The following CDK19 variants were observed in gnomAD, a reference collection of about 807,000 sequenced individuals.
The protein encoded by CDK19 is cyclin dependent kinase 19.
CDK19 carries 20 observed loss-of-function variants against 68.3 expected under a neutral mutation model. The observed-to-expected ratio is 0.29, with a 90% CI of 0.21 to 0.43. The LOEUF (loss-of-function observed/expected upper bound fraction) is 0.43, where lower values mean the gene tolerates loss of function less well. Among genes scored for constraint, CDK19 ranks in the 20% least tolerant of loss-of-function variants. The pLI, the probability that CDK19 is intolerant of heterozygous loss-of-function variation, is 1.00. For missense variants in CDK19, 339 were observed against 623.5 expected, an observed-to-expected ratio of 0.54 and a Z score of 4.86; for synonymous variants, 221 against 222.8, an observed-to-expected ratio of 0.99 and a Z score of 0.07.
In CDK19 at chr6:110,660,164, A is replaced by G. The variant is rs952440976; in HGVS notation, c.456+7270T>C. ...TCATTTAAAACCTTCCTCAACTCTG[A>G]TAGTGAAACAGGATATTTCCCTGAC... On this transcript the variant is annotated intron_variant, in intron 4 of 12. Transcript: ENST00000368911. 3.9e-5 allele frequency among the ~76,000 whole-genome samples: 6 copies of G among 152,300 alleles called. No homozygotes were observed. The East Asian group carries it at 1.2e-3, about 29-fold the overall frequency.
intron 4 of CDK19, among the ~76,000 whole-genome samples, chr6:110,655,143 G>T (rs1359823177): frequency 6.6e-6 from 1 of 151,792 alleles, no homozygotes; most frequent in Non-Finnish European, 1.5e-5. Context: ...TGAGGTGGGT[G>T]GATCACGAGG....
intron 2 of CDK19, among the ~76,000 whole-genome samples, chr6:110,718,756 A>G (rs1302589966): frequency 3.9e-5 from 6 of 152,190 alleles, no homozygotes; most frequent in African/African-American, 1.4e-4. Flanking sequence ...ATTCACAGAT[A>G]GTTGCTGAAA....
chr6:110,796,165 G>A (rs1431037178), intron 1 of CDK19, among the ~76,000 whole-genome samples: 3 of 151,972 alleles, frequency 2.0e-5, no homozygotes, highest in Admixed American at 1.3e-4. Context: ...GGAGAAACCC[G>A]GTCTCTACTA....
rs145662098 is a variant in CDK19 at position 110,730,430 on chromosome 6, C to T, written c.204+15696G>A. 5.2e-3 allele frequency among the ~76,000 whole-genome samples: 790 copies of T among 152,260 alleles called. 6 individuals are homozygous for T. Among genetic ancestry groups the T allele is most frequent in the African/African-American group, 0.018 (768 of 41,568 alleles). On this transcript the variant is annotated intron_variant, in intron 2 of 12. Transcript: ENST00000368911. ...AAGAAGTTTAAACAACAAAGTTATA[C>T]TTGTGGAACAGGTTCTAACTCAGCT... is the stretch of plus-strand genomic sequence containing the variant.
At chr6:110,716,770 GTATATCAA>G (rs1369587209) in intron 2 of CDK19, among the ~76,000 whole-genome samples, 2 of 152,130 alleles carry the variant, frequency 1.3e-5, no homozygotes, top group Non-Finnish European at 2.9e-5. Flanking sequence ...ATTCTTCTCT[GTATATCAA>G]TATATCAATA....
At chr6:110,721,725 G>A (rs1000123301) in intron 2 of CDK19, among the ~76,000 whole-genome samples, 3 of 152,164 alleles carry the variant, frequency 2.0e-5, no homozygotes, top group African/African-American at 7.2e-5. Context: ...CAGCACTTTT[G>A]GAGGCCGAGG....
intron 1 of CDK19, among the ~76,000 whole-genome samples, chr6:110,759,990 T>C (rs1779119930): frequency 6.6e-6 from 1 of 152,138 alleles, no homozygotes; most frequent in African/African-American, 2.4e-5. Context: ...CATTTACCAT[T>C]AAATCAACAT....
intron 12 of CDK19, among the ~76,000 whole-genome samples, chr6:110,615,139 G>A (rs1194687235): frequency 6.6e-6 from 1 of 152,160 alleles, no homozygotes; most frequent in African/African-American, 2.4e-5. Context: ...GTTTTCAGAG[G>A]TAGAAGCTAG....
intron 12 of CDK19, among the ~76,000 whole-genome samples, chr6:110,616,054 T>C (rs2114567217): frequency 6.6e-6 from 1 of 152,140 alleles, no homozygotes; most frequent in Non-Finnish European, 1.5e-5. Flanking sequence ...CACCAAAGTA[T>C]CTTTGAAAAA....
intron 4 of CDK19, among the ~76,000 whole-genome samples, chr6:110,643,661 A>C (rs1439300511): frequency 6.6e-6 from 1 of 152,252 alleles, no homozygotes; most frequent in Non-Finnish European, 1.5e-5. Flanking sequence ...CAGTCACATA[A>C]AAACACAGAC....
At chr6:110,703,186 G>C (rs958727434) in intron 2 of CDK19, among the ~76,000 whole-genome samples, 2 of 152,068 alleles carry the variant, frequency 1.3e-5, no homozygotes, top group Non-Finnish European at 2.9e-5. Flanking sequence ...ACCTGAACTG[G>C]ACTAAAATAG....
chr6:110,711,399 G>T (rs776987551), intron 2 of CDK19, among the ~76,000 whole-genome samples: 1 of 152,060 alleles, frequency 6.6e-6, no homozygotes, highest in Non-Finnish European at 1.5e-5. Flanking sequence ...TTTCAAAAGG[G>T]TATTTGAATT....
intron 1 of CDK19, among the ~76,000 whole-genome samples, chr6:110,774,867 T>G (rs1247421924): frequency 2.0e-5 from 3 of 152,128 alleles, no homozygotes; most frequent in African/African-American, 7.2e-5. Context: ...GAGGATCACC[T>G]GAGTCCAGGA....
chr6:110,744,119 G>T, intron 2 of CDK19, among the ~76,000 whole-genome samples: 1 of 142,162 alleles, frequency 7.0e-6, no homozygotes, highest in East Asian at 2.1e-4. Context: ...CAATTCTCCT[G>T]TCTCAGCCTC....
Position 110,763,777 on chromosome 6 carries a change from AAAT to A in CDK19, c.129-17579_129-17577del, listed in dbSNP as rs1779390302. 2.6e-5 allele frequency among the ~76,000 whole-genome samples: 4 copies of A among 152,294 alleles called. No homozygotes were observed. The East Asian group carries it at 7.7e-4, about 29-fold the overall frequency. ...TTAGCTAATATAAGACAAGAAAAGG[AAAT>A]AAGAGGTATACAGATTGGAAAGGCA... On this transcript the variant is annotated intron_variant, in intron 1 of 12. Coordinates refer to ENST00000368911, the MANE Select transcript of CDK19 (RefSeq NM_015076.5).
chr6:110,731,391 G>C (rs1356710274), intron 2 of CDK19, among the ~76,000 whole-genome samples: 2 of 152,176 alleles, frequency 1.3e-5, no homozygotes, highest in Non-Finnish European at 2.9e-5. Context: ...AATCCATAGA[G>C]GCAGAAAGTA....
intron 1 of CDK19, among the ~76,000 whole-genome samples, chr6:110,774,560 T>C (rs1780262592): frequency 6.6e-6 from 1 of 152,198 alleles, no homozygotes; most frequent in African/African-American, 2.4e-5. Context: ...TCTTTATTTC[T>C]GGAATTTTCC....
At chr6:110,760,120 G>C (rs1388415880) in intron 1 of CDK19, among the ~76,000 whole-genome samples, 1 of 152,092 alleles carries the variant, frequency 6.6e-6, no homozygotes, top group East Asian at 1.9e-4. Flanking sequence ...ACTAGGCCAG[G>C]CGCGGTGCAT....
intron 4 of CDK19, among the ~76,000 whole-genome samples, chr6:110,659,673 T>G (rs1040057465): frequency 6.6e-6 from 1 of 152,184 alleles, no homozygotes; most frequent in Non-Finnish European, 1.5e-5. Flanking sequence ...CAATTGAATA[T>G]ATCCTCTGAA....
Sources: gnomAD v4.1 joint callset for allele counts (sites outside exome capture counted in the v4.1 genomes callset) on GRCh38, gnomAD v4.1.1 for gene constraint, MANE v1.5 for transcripts, NCBI Gene and HGNC (gene_info 2026-07-23, HGNC 2026-07-21) for gene names.